Variants in HIBADH observed in about 807,000 individuals in gnomAD.
HIBADH encodes the protein 3-hydroxyisobutyrate dehydrogenase, mitochondrial.
A neutral mutation model predicts 36.1 loss-of-function variants in HIBADH; 25 were observed. That is an observed-to-expected ratio of 0.69 (90% confidence interval 0.50 to 0.97). The LOEUF is 0.97. HIBADH is among the 50% of genes least tolerant of loss of function. HIBADH has a pLI of 0.00. For synonymous variants in HIBADH, 160 were observed against 149.5 expected (o/e 1.07, Z -0.51); for missense variants, 421 against 418.0 (o/e 1.01, Z -0.06).
At chr7:27,660,649 A>C (rs1450899266) in intron 1 of HIBADH, among the ~76,000 whole-genome samples, 1 of 151,380 alleles carries the variant, frequency 6.6e-6, no homozygotes, top group Non-Finnish European at 1.5e-5. Flanking sequence ...TGGGCGACAG[A>C]CAAAGACTCC....
intron 4 of HIBADH, among the ~76,000 whole-genome samples, chr7:27,622,692 T>G (rs1213889707): frequency 1.3e-5 from 2 of 151,730 alleles, no homozygotes; most frequent in African/African-American, 4.8e-5. Context: ...AAATGAAAAA[T>G]TTCTAGAAAC....
At chr7:27,574,843 C>T (rs180789589) in intron 4 of HIBADH, among the ~76,000 whole-genome samples, 2 of 152,262 alleles carry the variant, frequency 1.3e-5, no homozygotes, top group Admixed American at 6.5e-5. Flanking sequence ...GAGCTATGTA[C>T]ATACAAAATG....
chr7:27,578,249 T>C, intron 4 of HIBADH, among the ~76,000 whole-genome samples: 1 of 152,140 alleles, frequency 6.6e-6, no homozygotes, highest in Non-Finnish European at 1.5e-5. Flanking sequence ...TCAATGAAAA[T>C]ATTTGTTTTC....
At chr7:27,619,619 T>C (rs1785502195) in intron 4 of HIBADH, among the ~76,000 whole-genome samples, 1 of 152,120 alleles carries the variant, frequency 6.6e-6, no homozygotes, top group Non-Finnish European at 1.5e-5. Flanking sequence ...TAGATATCTT[T>C]AAGAAGCAAC....
intron 2 of HIBADH, among the ~76,000 whole-genome samples, chr7:27,635,092 G>GTGTGCA (rs1785816267): frequency 6.7e-6 from 1 of 150,074 alleles, no homozygotes; most frequent in South Asian, 2.1e-4. Context: ...GTGCATGTGT[G>GTGTGCA]TGTGTGTGTG....
chr7:27,598,892 T>C (rs907934484), intron 4 of HIBADH, among the ~76,000 whole-genome samples: 2 of 150,950 alleles, frequency 1.3e-5, no homozygotes, highest in African/African-American at 2.4e-5. Context: ...AACCTACAAA[T>C]ACCAACAAAG....
At chr7:27,602,066 T>C (rs1460992881) in intron 4 of HIBADH, among the ~76,000 whole-genome samples, 3 of 151,998 alleles carry the variant, frequency 2.0e-5, no homozygotes, top group African/African-American at 7.2e-5. Flanking sequence ...CCTGCAATAA[T>C]ATTGAAAATC....
chr7:27,541,086 C>A (rs1784143291), intron 5 of HIBADH, among the ~76,000 whole-genome samples: 1 of 151,686 alleles, frequency 6.6e-6, no homozygotes. Context: ...TGCCTTAAAT[C>A]CTGGTGCTGC....
chr7:27,541,379 TTTAAG>T (rs768525716), intron 5 of HIBADH, among the ~76,000 whole-genome samples: 2 of 152,192 alleles, frequency 1.3e-5, no homozygotes, highest in African/African-American at 2.4e-5. Context: ...TTCTTTTTGC[TTTAAG>T]TTGTCATATT....
chr7:27,632,950 AAG>A, intron 2 of HIBADH, among the ~76,000 whole-genome samples: 1 of 152,172 alleles, frequency 6.6e-6, no homozygotes, highest in East Asian at 1.9e-4. Context: ...AAAAAGAAGA[AAG>A]TATCTGTTTC....
intron 4 of HIBADH, among the ~76,000 whole-genome samples, chr7:27,567,480 T>C (rs1784564100): frequency 1.3e-5 from 2 of 152,176 alleles, no homozygotes; most frequent in African/African-American, 2.4e-5. Flanking sequence ...TTACATTTAA[T>C]GTTAGTATTG....
chr7:27,572,966 A>G (rs1001725168), intron 4 of HIBADH, among the ~76,000 whole-genome samples: 1 of 152,208 alleles, frequency 6.6e-6, no homozygotes, highest in Non-Finnish European at 1.5e-5. Context: ...ACAGAAGAGT[A>G]AAAGAAGCTT....
At chr7:27,598,072 T>G (rs1785060488) in intron 4 of HIBADH, among the ~76,000 whole-genome samples, 1 of 152,216 alleles carries the variant, frequency 6.6e-6, no homozygotes, top group Non-Finnish European at 1.5e-5. Flanking sequence ...GAGAATTTAA[T>G]CAATCAAAAA....
At chr7:27,620,532 A>C (rs1785521253) in intron 4 of HIBADH, among the ~76,000 whole-genome samples, 1 of 152,128 alleles carries the variant, frequency 6.6e-6, no homozygotes, top group Admixed American at 6.5e-5. Flanking sequence ...CCTGGCAGCC[A>C]AGAATACTGT....
At chr7:27,660,838 T>C (rs187809507) in intron 1 of HIBADH, among the ~76,000 whole-genome samples, 1 of 152,294 alleles carries the variant, frequency 6.6e-6, no homozygotes, top group East Asian at 1.9e-4. Flanking sequence ...CACTCTGAGG[T>C]AGGCCCTCCC....
At chr7:27,645,383 T>TTGTTTGTTTTGTTTTTG (rs1562657301) in intron 2 of HIBADH, among the ~76,000 whole-genome samples, 4 of 124,630 alleles carry the variant, frequency 3.2e-5, no homozygotes, top group African/African-American at 1.5e-4. Flanking sequence ...TTTTTTTTTT[T>TTGTTTGTTTTGTTTTTG]TTTTTTTTTT....
chr7:27,566,350 T>TA (rs1345111168), intron 4 of HIBADH, among the ~76,000 whole-genome samples: 1 of 151,982 alleles, frequency 6.6e-6, no homozygotes, highest in South Asian at 2.1e-4. Flanking sequence ...TCTTTTTAAA[T>TA]AATTTTTAGT....
chr7:27,582,976 G>C (rs1194913037), intron 4 of HIBADH, among the ~76,000 whole-genome samples: 1 of 152,058 alleles, frequency 6.6e-6, no homozygotes, highest in Non-Finnish European at 1.5e-5. Flanking sequence ...TGTCTGTAAA[G>C]TACTCAGCAA....
intron 4 of HIBADH, among the ~76,000 whole-genome samples, chr7:27,582,261 G>A (rs1196667987): frequency 6.6e-6 from 1 of 152,084 alleles, no homozygotes; most frequent in Non-Finnish European, 1.5e-5. Flanking sequence ...AACTTTACCT[G>A]AACTGATTTA....
Sources: gnomAD v4.1 joint callset for allele counts (sites outside exome capture counted in the v4.1 genomes callset) on GRCh38, gnomAD v4.1.1 for gene constraint, MANE v1.5 for transcripts, NCBI Gene and HGNC (gene_info 2026-07-23, HGNC 2026-07-21) for gene names.